The following PDHX variants were observed in gnomAD, a reference collection of about 807,000 sequenced individuals.
PDHX encodes pyruvate dehydrogenase protein X component, mitochondrial.
A neutral mutation model predicts 55.3 loss-of-function variants in PDHX; 33 were observed. The ratio of observed to expected loss-of-function variants is 0.60; its 90% CI spans 0.45 to 0.80. PDHX has a LOEUF of 0.80. Ranked by LOEUF, PDHX falls within the 30% of genes least tolerant of loss-of-function variation. The probability of loss-of-function intolerance (pLI) is 0.00; values close to 1 mark genes in which losing one functional copy is unlikely to be tolerated. For synonymous variants in PDHX, 226 were observed against 219.4 expected (o/e 1.03, Z -0.27); for missense variants, 622 against 619.9 (o/e 1.00, Z -0.04).
chr11:34,957,698 G>C (rs1180945789), intron 4 of PDHX, 115 bp downstream of exon 4: 1 of 827,166 alleles, frequency 1.2e-6, no homozygotes, highest in East Asian at 2.7e-5. Context: ...GGAAGTTGCT[G>C]TTCTCAGCAC....
chr11:34,945,344 T>C (rs1854597207), intron 2 of PDHX, among the ~76,000 whole-genome samples: 1 of 152,240 alleles, frequency 6.6e-6, no homozygotes, highest in African/African-American at 2.4e-5. Flanking sequence ...TTGTTTCTTA[T>C]AGCCCATGGG....
intron 2 of PDHX, among the ~76,000 whole-genome samples, chr11:34,938,533 C>G (rs1854390646): frequency 6.6e-6 from 1 of 152,158 alleles, no homozygotes; most frequent in Admixed American, 6.5e-5. Flanking sequence ...AATTACAGAG[C>G]TTTGGCTATT....
At position 34,979,890 on chromosome 11, in the gene PDHX, C is replaced by T. The variant is rs117948785; in HGVS notation, c.1023+1708C>T. Among the ~76,000 whole-genome samples, 1,516 of 151,810 alleles carry T rather than the reference C, an allele frequency of 1.0e-2. 29 individuals are homozygous for T. Among genetic ancestry groups the T allele is most frequent in the South Asian group, 0.058 (278 of 4,822 alleles). Reference sequence around the variant, plus strand: ...ATTAAATGAATTTGGATTATTTCTTCTTTTCTTTCCTCTGTACACATTTCA... The same window carrying T: ...ATTAAATGAATTTGGATTATTTCTTTTTTTCTTTCCTCTGTACACATTTCA... On this transcript the variant is annotated intron_variant, in intron 8 of 10. Coordinates refer to ENST00000227868, the MANE Select transcript of PDHX (RefSeq NM_003477.3).
intron 8 of PDHX, among the ~76,000 whole-genome samples, chr11:34,980,821 T>C (rs958507328): frequency 1.3e-5 from 2 of 152,100 alleles, no homozygotes; most frequent in African/African-American, 4.8e-5. Flanking sequence ...AAATTGTATA[T>C]TGCCATGCTT....
At chr11:34,958,859 A>G (rs779304071) in intron 4 of PDHX, among the ~76,000 whole-genome samples, 11 of 152,172 alleles carry the variant, frequency 7.2e-5, no homozygotes, top group Non-Finnish European at 1.5e-4. Flanking sequence ...AACTCTGCAT[A>G]CTGTTGGGCA....
chr11:34,960,340 C>T (rs370983473), intron 4 of PDHX, 80 bp from the exon 5 acceptor site: 228 of 913,524 alleles, frequency 2.5e-4, no homozygotes, highest in African/African-American at 1.4e-3. Context: ...TAATTATTTG[C>T]GAAACTGTTG....
intron 2 of PDHX, among the ~76,000 whole-genome samples, chr11:34,932,234 C>T (rs926822176): frequency 1.3e-5 from 2 of 152,012 alleles, no homozygotes; most frequent in African/African-American, 4.8e-5. Context: ...AACTATAACT[C>T]AAAATCCAGA....
At chr11:34,966,940 C>T (rs1855149224) in intron 6 of PDHX, 126 bp downstream of exon 6, 13 of 803,822 alleles carry the variant, frequency 1.6e-5, no homozygotes, top group Non-Finnish European at 2.5e-5. Context: ...CAGCCTCTGC[C>T]TCCCAAGTTC....
At chr11:34,930,616 A>G (rs1326479281) in intron 1 of PDHX, among the ~76,000 whole-genome samples, 1 of 152,172 alleles carries the variant, frequency 6.6e-6, no homozygotes, top group East Asian at 1.9e-4. Context: ...GTAAATTGTA[A>G]TCTAAAAGCC....
At chr11:34,968,704 C>T (rs1238659637) in intron 6 of PDHX, among the ~76,000 whole-genome samples, 2 of 152,082 alleles carry the variant, frequency 1.3e-5, no homozygotes, top group Non-Finnish European at 2.9e-5. Context: ...CTTCTAATGT[C>T]CCTTGTGATT....
intron 3 of PDHX, 23 bp from the exon 4 acceptor site, chr11:34,957,361 A>G (rs1854926682): frequency 6.8e-7 from 1 of 1,470,684 alleles, no homozygotes; most frequent in African/African-American, 1.4e-5. Context: ...ACTTCTCTAC[A>G]GTTACTTCTT....
chr11:34,941,904 T>G (rs1228966720), intron 2 of PDHX: 1 of 153,970 alleles, frequency 6.5e-6, no homozygotes, highest in Non-Finnish European at 1.5e-5. Flanking sequence ...GGGCCCGCAC[T>G]CTCGCTCTGG....
At chr11:34,984,853 T>C in intron 9 of PDHX, 125 bp downstream of exon 9, 1 of 882,520 alleles carries the variant, frequency 1.1e-6, no homozygotes, top group Non-Finnish European at 1.9e-6. Context: ...GGGAGAGTTA[T>C]TTCATCAAGT....
chr11:34,987,857 G>T (rs1855682565), intron 9 of PDHX, among the ~76,000 whole-genome samples: 1 of 152,086 alleles, frequency 6.6e-6, no homozygotes. Flanking sequence ...ATCTGCCTGA[G>T]TGTCCACGTA....
chr11:34,988,656 A>G (rs1231406974), intron 9 of PDHX, among the ~76,000 whole-genome samples: 2 of 152,128 alleles, frequency 1.3e-5, no homozygotes, highest in African/African-American at 4.8e-5. Flanking sequence ...CAAATGCACC[A>G]TAATTAGTTG....
intron 4 of PDHX, among the ~76,000 whole-genome samples, chr11:34,957,819 A>G (rs1854939803): frequency 6.6e-6 from 1 of 152,064 alleles, no homozygotes. Flanking sequence ...CCCTGCTTGC[A>G]CAATGGAAAA....
chr11:34,982,227 C>T (rs1855531251), intron 8 of PDHX, among the ~76,000 whole-genome samples: 1 of 152,150 alleles, frequency 6.6e-6, no homozygotes, highest in Non-Finnish European at 1.5e-5. Context: ...TATGGCTAGC[C>T]AGTTTTCCCA....
At chr11:34,977,533 G>C (rs79438656) in intron 7 of PDHX, among the ~76,000 whole-genome samples, 8,050 of 151,960 alleles carry the variant, frequency 0.053, 271 homozygotes, top group Non-Finnish European at 0.075. Context: ...TTTGGCTTTT[G>C]TTATATCCTG....
intron 4 of PDHX, among the ~76,000 whole-genome samples, chr11:34,958,826 G>A (rs1053361508): frequency 6.6e-6 from 1 of 152,084 alleles, no homozygotes; most frequent in Non-Finnish European, 1.5e-5. Flanking sequence ...CCACTGTGTA[G>A]GTTAAAAACC....
Sources: gnomAD v4.1 joint callset for allele counts (sites outside exome capture counted in the v4.1 genomes callset) on GRCh38, gnomAD v4.1.1 for gene constraint, MANE v1.5 for transcripts, NCBI Gene and HGNC (gene_info 2026-07-23, HGNC 2026-07-21) for gene names.